The following ZNF423 variants were observed in gnomAD, a reference collection of about 807,000 sequenced individuals.
ZNF423 encodes Ebf-associated zinc finger protein.
In ZNF423, 12 loss-of-function variants were observed where a neutral mutation model predicts 95.8. The observed-to-expected ratio is 0.13, with a 90% CI of 0.08 to 0.20. ZNF423 has a LOEUF of 0.20. ZNF423 is among the 10% of genes least tolerant of loss of function. The probability of loss-of-function intolerance (pLI) is 1.00; values close to 1 mark genes in which losing one functional copy is unlikely to be tolerated. For missense variants in ZNF423, 1,316 were observed against 1,737.1 expected, an observed-to-expected ratio of 0.76 and a Z score of 4.31; for synonymous variants, 749 against 711.9, an observed-to-expected ratio of 1.05 and a Z score of -0.83.
At chr16:49,824,302 C>A (rs1369682786) in intron 1 of ZNF423, among the ~76,000 whole-genome samples, 4 of 152,034 alleles carry the variant, frequency 2.6e-5, no homozygotes, top group African/African-American at 7.2e-5. Context: ...GATTAGAGCC[C>A]CCCTGTCACA....
chr16:49,824,239 G>C (rs1256248989), intron 1 of ZNF423, among the ~76,000 whole-genome samples: 1 of 152,126 alleles, frequency 6.6e-6, no homozygotes, highest in Non-Finnish European at 1.5e-5. Context: ...TGCGTCTCCA[G>C]CCAGACACTG....
chr16:49,586,686 A>T (rs1325588837), intron 5 of ZNF423, among the ~76,000 whole-genome samples: 1 of 151,652 alleles, frequency 6.6e-6, no homozygotes, highest in Non-Finnish European at 1.5e-5. Context: ...ATCTCTTAGG[A>T]GGTCTGCTCT....
rs1555514912 is a variant in ZNF423, at chr16:49,636,347, A to G, written c.2829T>C (p.Cys943=). ...FIKGSHKCNV[C]SRTFFSENGL... ...CGTTCTCCGAGAAGAAAGTCCGTGA[A>G]CAAACGTTGCACTTGTGACTGCCCT... is the stretch of plus-strand genomic sequence containing the variant. Residue 943 remains cysteine, a synonymous_variant, in exon 4 of 8, where the codon TGT becomes TGC. Transcript: ENST00000563137. The surrounding 1 kb of genome is among the most constrained non-coding windows in gnomAD (Gnocchi z 8.6). 6.2e-7 allele frequency: 1 copy of G among 1,612,696 alleles called. No individual in the cohort carries two copies. The highest frequency in any genetic ancestry group is 1.3e-5 in the African/African-American group (1 of 74,916).
intron 5 of ZNF423, among the ~76,000 whole-genome samples, chr16:49,570,341 T>C (rs1970316916): frequency 6.6e-6 from 1 of 152,186 alleles, no homozygotes; most frequent in East Asian, 1.9e-4. Context: ...ACCATCCCCA[T>C]TTTACAGATA....
At chr16:49,831,953 C>T (rs2035065130) in intron 1 of ZNF423, among the ~76,000 whole-genome samples, 1 of 150,594 alleles carries the variant, frequency 6.6e-6, no homozygotes, top group Non-Finnish European at 1.5e-5. Flanking sequence ...GTAAGCACTC[C>T]AGCCTGGGTG....
chr16:49,499,835 C>T (rs941915088), intron 7 of ZNF423, among the ~76,000 whole-genome samples: 1 of 152,136 alleles, frequency 6.6e-6, no homozygotes, highest in Non-Finnish European at 1.5e-5. Flanking sequence ...GAAATAAAAC[C>T]CACCAGGGGA....
At chr16:49,612,835 C>G (rs750497416) in intron 5 of ZNF423, among the ~76,000 whole-genome samples, 2 of 151,896 alleles carry the variant, frequency 1.3e-5, no homozygotes, top group African/African-American at 4.8e-5. Context: ...TCAAGCAATA[C>G]AAAAATGAAC....
At position 49,855,625 on chromosome 16, in the gene ZNF423, G is replaced by C; in HGVS notation, c.40+110C>G. ...TCTGCCGCCTCCTCCTCCTCCTCTC[G>C]GCTCGCTCGCGCGGGTCCCCGGCAG... On this transcript the variant is annotated intron_variant, in intron 1 of 7. Coordinates refer to ENST00000563137, the MANE Select transcript of ZNF423 (RefSeq NM_001379286.1). This position sits in a 1 kb window ranked among gnomAD's most constrained non-coding sequence, Gnocchi z 4.7. 6.1e-6 allele frequency: 1 copy of C among 162,602 alleles called. No homozygotes were observed. The highest frequency in any genetic ancestry group is 1.3e-4 in the South Asian group (1 of 7,444). 10.1% of individuals were successfully genotyped at this position (162,602 alleles called of 1,614,324 possible). A position where few individuals can be genotyped will look rare whatever the true frequency, so the allele number is the denominator to read the frequency against.
intron 3 of ZNF423, among the ~76,000 whole-genome samples, chr16:49,688,419 C>T (rs2031652271): frequency 6.6e-6 from 1 of 152,174 alleles, no homozygotes; most frequent in Non-Finnish European, 1.5e-5. Context: ...CCTCTTGCTC[C>T]ATAGAGGGAA....
At position 49,637,546 on chromosome 16, in the gene ZNF423, T is replaced by C. The variant is rs1972779200; in HGVS notation, c.1630A>G (p.Ile544Val). 6 of 1,613,910 alleles carry C rather than the reference T, an allele frequency of 3.7e-6. No homozygotes were observed. Among genetic ancestry groups the C allele is most frequent in the Non-Finnish European group, 5.1e-6 (6 of 1,179,972 alleles). Residue 544 changes from isoleucine (I) to valine (V), a missense_variant, in exon 4 of 8, where the codon ATC becomes GTC. Transcript: ENST00000563137. The surrounding 1 kb of genome is among the most constrained non-coding windows in gnomAD (Gnocchi z 5.6). The stretch of plus-strand genomic sequence containing the variant: ...CCCACACTGCAGTGGGCCTGCTGGA[T>C]GTGCTCGGTGAGGGAGGACTCAGTA... ...FLTESSLTEH[I>V]QQAHCSVGSA...
rs80143447 is a variant in ZNF423 at position 49,606,706 on chromosome 16, G to A, written c.3601+19464C>T. On this transcript the variant is annotated intron_variant, in intron 5 of 7. Coordinates refer to ENST00000563137, the MANE Select transcript of ZNF423 (RefSeq NM_001379286.1). ...TACCAGCTAAGGTGTCCTGACACAG[G>A]TGCCTTGGTGAACAGTGATCACAGG... is the stretch of plus-strand genomic sequence containing the variant. 5.5e-3 allele frequency among the ~76,000 whole-genome samples: 835 copies of A among 152,346 alleles called. 5 individuals carry two copies. Among genetic ancestry groups the A allele is most frequent in the African/African-American group, 0.019 (801 of 41,584 alleles).
intron 5 of ZNF423, among the ~76,000 whole-genome samples, chr16:49,563,073 G>A (rs564623630): frequency 2.6e-5 from 4 of 151,730 alleles, no homozygotes; most frequent in African/African-American, 7.3e-5. Context: ...ATGAGCCACC[G>A]CGCCCACACA....
intron 2 of ZNF423, among the ~76,000 whole-genome samples, chr16:49,758,566 AC>A (rs2143621925): frequency 6.6e-6 from 1 of 152,094 alleles, no homozygotes; most frequent in South Asian, 2.1e-4. Context: ...ACATAGTAAG[AC>A]CCCATCTCTA....
intron 5 of ZNF423, among the ~76,000 whole-genome samples, chr16:49,598,486 T>C (rs746117584): frequency 6.6e-6 from 1 of 152,226 alleles, no homozygotes; most frequent in Non-Finnish European, 1.5e-5. Flanking sequence ...GGGAAACAGG[T>C]GTCAGGCCAG....
intron 3 of ZNF423, among the ~76,000 whole-genome samples, chr16:49,687,544 C>T (rs1269727410): frequency 6.6e-6 from 1 of 152,152 alleles, no homozygotes; most frequent in Non-Finnish European, 1.5e-5. Flanking sequence ...ACTCTAGAAT[C>T]AAAGATCTTC....
chr16:49,744,292 G>A (rs981639034), intron 2 of ZNF423, among the ~76,000 whole-genome samples: 4 of 152,266 alleles, frequency 2.6e-5, no homozygotes, highest in Admixed American at 6.5e-5. Flanking sequence ...ACAGAGGTCC[G>A]AGAAGCCTCA....
intron 5 of ZNF423, among the ~76,000 whole-genome samples, chr16:49,558,415 G>T (rs979009270): frequency 6.6e-6 from 1 of 152,174 alleles, no homozygotes; most frequent in Non-Finnish European, 1.5e-5. Context: ...AAGGTGAGTT[G>T]CCCTGGCAAA....
At chr16:49,761,454 A>G (rs1042295184) in intron 2 of ZNF423, among the ~76,000 whole-genome samples, 1 of 152,216 alleles carries the variant, frequency 6.6e-6, no homozygotes, top group Non-Finnish European at 1.5e-5. Context: ...AAGAAGCCCA[A>G]GATTGTGCGT....
intron 5 of ZNF423, among the ~76,000 whole-genome samples, chr16:49,623,014 C>T (rs1972137576): frequency 6.6e-6 from 1 of 152,040 alleles, no homozygotes; most frequent in African/African-American, 2.4e-5. Context: ...TCAAGGTCCT[C>T]TGGTAGACTG....
Sources: allele counts gnomAD v4.1 joint callset (sites outside exome capture counted in the v4.1 genomes callset), GRCh38; gene constraint gnomAD v4.1.1; non-coding constraint Gnocchi (gnomAD v3.1); transcripts MANE v1.5; gene names NCBI Gene and HGNC (gene_info 2026-07-23, HGNC 2026-07-21).